CREB5: variants seen among roughly 807,000 people sequenced by gnomAD.
The protein encoded by CREB5 is cAMP responsive element binding protein 5.
In CREB5, 19 loss-of-function variants were observed where a neutral mutation model predicts 57.1. The observed-to-expected ratio is 0.33, with a 90% CI of 0.23 to 0.49. The LOEUF (loss-of-function observed/expected upper bound fraction) is 0.49, where lower values mean the gene tolerates loss of function less well. Among genes scored for constraint, CREB5 ranks in the 20% least tolerant of loss-of-function variants. The pLI is 0.99. For synonymous variants in CREB5, 238 were observed against 238.3 expected (o/e 1.00, Z 0.01); for missense variants, 579 against 671.6 (o/e 0.86, Z 1.52).
chr7:28,448,698 C>A (rs1450105072), intron 1 of CREB5, among the ~76,000 whole-genome samples: 1 of 152,222 alleles, frequency 6.6e-6, no homozygotes, highest in Non-Finnish European at 1.5e-5. Flanking sequence ...TTAGTCTCTG[C>A]AGGGGTAGAT....
At chr7:28,513,118 C>T (rs1317234789) in intron 4 of CREB5, among the ~76,000 whole-genome samples, 1 of 152,182 alleles carries the variant, frequency 6.6e-6, no homozygotes, top group Non-Finnish European at 1.5e-5. Context: ...TTACTTGGGG[C>T]AAGAAGGTGC....
At chr7:28,444,440 C>T (rs1435502278) in intron 1 of CREB5, among the ~76,000 whole-genome samples, 1 of 152,108 alleles carries the variant, frequency 6.6e-6, no homozygotes, top group East Asian at 1.9e-4. Flanking sequence ...TAAAGATGGA[C>T]ATGGAGTGAT....
intron 1 of CREB5, among the ~76,000 whole-genome samples, chr7:28,317,327 G>T (rs1170194347): frequency 6.6e-6 from 1 of 152,170 alleles, no homozygotes; most frequent in Admixed American, 6.5e-5. Flanking sequence ...TGGATTTCTG[G>T]CTGTTGTTTA....
At chr7:28,796,002 C>G (rs1310898261) in intron 7 of CREB5, among the ~76,000 whole-genome samples, 2 of 152,230 alleles carry the variant, frequency 1.3e-5, no homozygotes, top group East Asian at 1.9e-4. Flanking sequence ...ATCTGCCTGC[C>G]TTTACCTCCC....
intron 4 of CREB5, among the ~76,000 whole-genome samples, chr7:28,535,680 G>A (rs570599469): frequency 5.5e-4 from 84 of 151,956 alleles, no homozygotes; most frequent in African/African-American, 2.0e-3. Flanking sequence ...AGGGCAAGAA[G>A]GAAGGAAGGA....
At chr7:28,681,089 G>A (rs950260684) in intron 5 of CREB5, among the ~76,000 whole-genome samples, 8 of 148,200 alleles carry the variant, frequency 5.4e-5, no homozygotes, top group African/African-American at 2.0e-4. Flanking sequence ...TGCTGTGGGG[G>A]TCCAAAAAAA....
At chr7:28,667,295 C>G (rs1404658313) in intron 5 of CREB5, among the ~76,000 whole-genome samples, 5 of 150,446 alleles carry the variant, frequency 3.3e-5, no homozygotes, top group African/African-American at 1.2e-4. Flanking sequence ...CCCTTCCTAT[C>G]TAGTTGCTCG....
intron 5 of CREB5, among the ~76,000 whole-genome samples, chr7:28,672,184 A>ACACAC (rs1439926301): frequency 0.036 from 5,044 of 139,082 alleles, 117 homozygotes; most frequent in Non-Finnish European, 0.054. Flanking sequence ...GGAAAAAAAA[A>ACACAC]AAAAACACAC....
chr7:28,742,876 AGATTCAAGC>A (rs1804453457), intron 7 of CREB5, among the ~76,000 whole-genome samples: 1 of 152,104 alleles, frequency 6.6e-6, no homozygotes, highest in Non-Finnish European at 1.5e-5. Flanking sequence ...TCTACCTTCC[AGATTCAAGC>A]GATTCTCCTG....
intron 4 of CREB5, among the ~76,000 whole-genome samples, chr7:28,545,793 G>C (rs1794394487): frequency 6.6e-6 from 1 of 151,792 alleles, no homozygotes; most frequent in Non-Finnish European, 1.5e-5. Flanking sequence ...CTCTTCTTCT[G>C]CATGGATCCA....
chr7:28,489,393 G>A (rs1392498864), intron 2 of CREB5, among the ~76,000 whole-genome samples: 6 of 138,234 alleles, frequency 4.3e-5, no homozygotes, highest in Non-Finnish European at 9.1e-5. Flanking sequence ...TCCGCCTCCC[G>A]GGTTCATGCC....
intron 7 of CREB5, among the ~76,000 whole-genome samples, chr7:28,786,708 T>C (rs1422906897): frequency 2.0e-5 from 3 of 152,292 alleles, no homozygotes; most frequent in South Asian, 4.1e-4. Context: ...TATGTGAGTG[T>C]TATTGGAATC....
At chr7:28,651,679 C>T (rs975964489) in intron 5 of CREB5, among the ~76,000 whole-genome samples, 4 of 152,222 alleles carry the variant, frequency 2.6e-5, no homozygotes, top group Non-Finnish European at 4.4e-5. Flanking sequence ...ATGTGTCAGA[C>T]GTAAGCTTTT....
At chr7:28,677,687 A>G (rs1360351368) in intron 5 of CREB5, among the ~76,000 whole-genome samples, 1 of 152,192 alleles carries the variant, frequency 6.6e-6, no homozygotes, top group Non-Finnish European at 1.5e-5. Context: ...GCTTAAATGC[A>G]TGCTTTCCAG....
At chr7:28,593,741 C>T (rs1363189459) in intron 5 of CREB5, among the ~76,000 whole-genome samples, 2 of 152,178 alleles carry the variant, frequency 1.3e-5, no homozygotes, top group African/African-American at 4.8e-5. Flanking sequence ...CCCAGCCCCT[C>T]AAGATGTGCC....
chr7:28,515,909 A>AAAATAT, intron 4 of CREB5, among the ~76,000 whole-genome samples: 1 of 150,986 alleles, frequency 6.6e-6, no homozygotes, highest in South Asian at 2.1e-4. Flanking sequence ...TTAAAGTAAA[A>AAAATAT]ATATATATAT....
At chr7:28,560,943 T>TGCGCGTGC (rs377319103) in intron 4 of CREB5, among the ~76,000 whole-genome samples, 2 of 33,174 alleles carry the variant, frequency 6.0e-5, no homozygotes, top group Non-Finnish European at 1.1e-4. Flanking sequence ...TGTGCGTGCG[T>TGCGCGTGC]GTGTGTGCGT....
At chr7:28,676,623 T>C (rs1359125629) in intron 5 of CREB5, among the ~76,000 whole-genome samples, 1 of 152,028 alleles carries the variant, frequency 6.6e-6, no homozygotes, top group African/African-American at 2.4e-5. Context: ...TTTGGGAGAG[T>C]GATGGGTGAA....
intron 1 of CREB5, among the ~76,000 whole-genome samples, chr7:28,365,266 C>A (rs1191529403): frequency 6.6e-6 from 1 of 152,144 alleles, no homozygotes; most frequent in Non-Finnish European, 1.5e-5. Context: ...TTCCACTATT[C>A]ATTTTCCTTG....
Sources: gnomAD v4.1 joint callset for allele counts (sites outside exome capture counted in the v4.1 genomes callset) on GRCh38, gnomAD v4.1.1 for gene constraint, MANE v1.5 for transcripts, NCBI Gene and HGNC (gene_info 2026-07-23, HGNC 2026-07-21) for gene names.